Variants in UNC13C observed in about 807,000 individuals in gnomAD.
UNC13C encodes the protein protein unc-13 homolog C.
A neutral mutation model predicts 245.4 loss-of-function variants in UNC13C; 174 were observed. The observed-to-expected ratio is 0.71, with a 90% CI of 0.63 to 0.80. The LOEUF (loss-of-function observed/expected upper bound fraction) is 0.80. Among genes scored for constraint, UNC13C ranks in the 30% least tolerant of loss-of-function variants. The probability of loss-of-function intolerance (pLI) is 0.00; values close to 1 mark genes in which losing one functional copy is unlikely to be tolerated. For synonymous variants in UNC13C, 992 were observed against 895.1 expected, an observed-to-expected ratio of 1.11 and a Z score of -1.93; for missense variants, 2,829 against 2,602.9, an observed-to-expected ratio of 1.09 and a Z score of -1.89.
chr15:54,222,216 A>G (rs56218870), intron 4 of UNC13C, among the ~76,000 whole-genome samples: 27 of 151,882 alleles, frequency 1.8e-4, no homozygotes, highest in African/African-American at 6.3e-4. Flanking sequence ...TTTTGTACCC[A>G]TTAACCATTC....
At chr15:54,515,982 A>G (rs1415653667) in intron 24 of UNC13C, among the ~76,000 whole-genome samples, 1 of 152,228 alleles carries the variant, frequency 6.6e-6, no homozygotes, top group Non-Finnish European at 1.5e-5. Flanking sequence ...TTTTAAAAAT[A>G]TGGATATTGT....
intron 4 of UNC13C, among the ~76,000 whole-genome samples, chr15:54,199,576 G>C (rs1019742439): frequency 6.6e-6 from 1 of 152,086 alleles, no homozygotes; most frequent in Non-Finnish European, 1.5e-5. Flanking sequence ...CAAGAATTGT[G>C]TATTCAGCAA....
chr15:54,162,758 T>G (rs928430469), intron 4 of UNC13C, among the ~76,000 whole-genome samples: 5 of 152,188 alleles, frequency 3.3e-5, no homozygotes, highest in Admixed American at 3.3e-4. Context: ...ATTCATTAAT[T>G]CTCTAAGATC....
rs563780407 is a variant in UNC13C at position 54,309,225 on chromosome 15, G to A, written c.4268+8852G>A. Reference sequence around the variant, plus strand: ...AATAGGAGTGAGGTGATAGCTTATCGTGGTTTTAATTTGCATTTCTCTGAT... The same window carrying A: ...AATAGGAGTGAGGTGATAGCTTATCATGGTTTTAATTTGCATTTCTCTGAT... On this transcript the variant is annotated intron_variant, in intron 13 of 32. Coordinates refer to ENST00000260323, the MANE Select transcript of UNC13C (RefSeq NM_001080534.3). Among the ~76,000 whole-genome samples, 22 of 151,766 alleles carry A rather than the reference G, an allele frequency of 1.4e-4. No homozygotes were observed. In the South Asian group the frequency reaches 2.7e-3, roughly 19 times the overall value.
intron 4 of UNC13C, among the ~76,000 whole-genome samples, chr15:54,156,638 T>A (rs2032758486): frequency 6.6e-6 from 1 of 151,944 alleles, no homozygotes; most frequent in Non-Finnish European, 1.5e-5. Flanking sequence ...TAACAGGGTA[T>A]CCTTTCCAGG....
intron 4 of UNC13C, among the ~76,000 whole-genome samples, chr15:54,158,200 T>C (rs902282567): frequency 6.6e-6 from 1 of 152,250 alleles, no homozygotes; most frequent in East Asian, 1.9e-4. Context: ...TTGTTGCCTA[T>C]TTGAGCAAAT....
the UNC13C span, among the ~76,000 whole-genome samples, chr15:53,896,661 G>T: frequency 2.0e-5 from 3 of 152,096 alleles, no homozygotes; most frequent in South Asian, 2.1e-4. Flanking sequence ...AGGGCAACTA[G>T]TTGCTCAGCT....
At chr15:53,882,279 T>G in the UNC13C span, among the ~76,000 whole-genome samples, 4 of 152,372 alleles carry the variant, frequency 2.6e-5, no homozygotes, top group Admixed American at 1.3e-4. Flanking sequence ...GGTTTGATTT[T>G]TATTGTACAG....
Position 54,607,492 on chromosome 15 carries a change from A to T in UNC13C, c.6107-14835A>T, listed in dbSNP as rs115626175. Reference sequence around the variant, plus strand: ...AGATTGTTAGAGTGACCGTTCTTGTAGAGAATACAGTCTTTGGAAATTGAG... The same window carrying T: ...AGATTGTTAGAGTGACCGTTCTTGTTGAGAATACAGTCTTTGGAAATTGAG... On this transcript the variant is annotated intron_variant, in intron 30 of 32. Coordinates refer to ENST00000260323, the MANE Select transcript of UNC13C (RefSeq NM_001080534.3). Among the ~76,000 whole-genome samples, 1,082 of 152,328 alleles carry T rather than the reference A, an allele frequency of 7.1e-3. 18 individuals are homozygous for T. The highest frequency in any genetic ancestry group is 0.025 in the African/African-American group (1,051 of 41,568).
chr15:54,595,973 A>G (rs778312574), intron 30 of UNC13C, among the ~76,000 whole-genome samples: 12 of 152,206 alleles, frequency 7.9e-5, no homozygotes, highest in African/African-American at 2.9e-4. Flanking sequence ...AATATTACAT[A>G]TGAAAATGCC....
At chr15:54,065,101 C>G (rs1453485671) in intron 2 of UNC13C, among the ~76,000 whole-genome samples, 2 of 152,308 alleles carry the variant, frequency 1.3e-5, no homozygotes, top group East Asian at 3.9e-4. Context: ...TCTCAGAGGT[C>G]TGGACTGCAG....
rs530498070 is a variant in UNC13C, at chr15:54,163,065, G to T, written c.3071+19381G>T. ...AAAGATGTCCGCATCCTAATTCCTG[G>T]AACCTGTGAATATGTTACCTTACGT... On this transcript the variant is annotated intron_variant, in intron 4 of 32. Transcript: ENST00000260323. Among the ~76,000 whole-genome samples, 4 of 152,224 alleles carry T rather than the reference G, an allele frequency of 2.6e-5. No homozygotes were observed. The South Asian group carries it at 8.3e-4, about 32-fold the overall frequency.
At chr15:54,490,650 T>A (rs1294978483) in intron 19 of UNC13C, among the ~76,000 whole-genome samples, 1 of 151,706 alleles carries the variant, frequency 6.6e-6, no homozygotes, top group Non-Finnish European at 1.5e-5. Context: ...GGGACAGGGA[T>A]TGGGAAACTT....
At chr15:54,384,712 G>T (rs1381213946) in intron 17 of UNC13C, among the ~76,000 whole-genome samples, 1 of 152,040 alleles carries the variant, frequency 6.6e-6, no homozygotes, top group Non-Finnish European at 1.5e-5. Flanking sequence ...ACACTCAACA[G>T]AGTGAAGAGG....
At chr15:54,630,589 T>C (rs1178385048), downstream of UNC13C, 1 of 152,184 alleles carries the variant, frequency 6.6e-6, no homozygotes, top group Non-Finnish European at 1.5e-5. Flanking sequence ...AGAAAAATTC[T>C]TGGGCACACA....
chr15:53,861,475 T>A, the UNC13C span, among the ~76,000 whole-genome samples: 1 of 152,026 alleles, frequency 6.6e-6, no homozygotes, highest in African/African-American at 2.4e-5. Context: ...CTTTCTATCA[T>A]AATAAAAATA....
upstream of UNC13C, among the ~76,000 whole-genome samples, chr15:53,978,437 A>G (rs1250646110): frequency 6.6e-6 from 1 of 152,134 alleles, no homozygotes; most frequent in Non-Finnish European, 1.5e-5. Context: ...CCGGTGCTGC[A>G]TTCAGAAAAG....
the UNC13C span, among the ~76,000 whole-genome samples, chr15:53,952,951 T>C: frequency 0.11 from 17,402 of 152,126 alleles, 1,331 homozygotes; most frequent in East Asian, 0.32. Flanking sequence ...CACAGCAAAA[T>C]AAGATTTCTT....
At chr15:54,094,522 C>G (rs1899746629) in intron 2 of UNC13C, among the ~76,000 whole-genome samples, 1 of 152,178 alleles carries the variant, frequency 6.6e-6, no homozygotes, top group South Asian at 2.1e-4. Flanking sequence ...ACAAGCTAGA[C>G]TCAAAGTGTA....
Sources: gnomAD v4.1 joint callset for allele counts (sites outside exome capture counted in the v4.1 genomes callset) on GRCh38, gnomAD v4.1.1 for gene constraint, MANE v1.5 for transcripts, NCBI Gene and HGNC (gene_info 2026-07-23, HGNC 2026-07-21) for gene names.